ASTN2: variants seen among roughly 807,000 people sequenced by gnomAD.
The protein encoded by ASTN2 is astrotactin-2.
Under a neutral mutation model 139.8 loss-of-function variants are expected in ASTN2, and 54 were observed. The observed-to-expected ratio is 0.39, with a 90% CI of 0.31 to 0.48. The LOEUF (loss-of-function observed/expected upper bound fraction) is 0.48, where lower values mean the gene tolerates loss of function less well. Ranked by LOEUF, ASTN2 falls within the 20% of genes least tolerant of loss-of-function variation. The probability of loss-of-function intolerance (pLI) is 0.95; values close to 1 mark genes in which losing one functional copy is unlikely to be tolerated. For missense variants in ASTN2, 1,565 were observed against 1,725.1 expected (o/e 0.91, Z 1.64); for synonymous variants, 756 against 719.5 (o/e 1.05, Z -0.81).
intron 10 of ASTN2, among the ~76,000 whole-genome samples, chr9:116,871,762 C>T (rs1162204582): frequency 6.6e-6 from 1 of 151,988 alleles, no homozygotes; most frequent in Non-Finnish European, 1.5e-5. Context: ...ATGACTAATG[C>T]TGCTATGAAC....
intron 3 of ASTN2, among the ~76,000 whole-genome samples, chr9:117,147,950 G>T (rs1411794407): frequency 6.6e-6 from 1 of 152,158 alleles, no homozygotes; most frequent in Non-Finnish European, 1.5e-5. Flanking sequence ...GGCTCTGATA[G>T]CTTAGCTCCT....
intron 1 of ASTN2, among the ~76,000 whole-genome samples, chr9:117,389,953 C>T (rs1830499982): frequency 6.6e-6 from 1 of 151,958 alleles, no homozygotes; most frequent in South Asian, 2.1e-4. Flanking sequence ...GGGAGGCCCT[C>T]TGGGGTCTCT....
At chr9:116,526,339 C>A (rs1473042210) in intron 19 of ASTN2, among the ~76,000 whole-genome samples, 1 of 152,128 alleles carries the variant, frequency 6.6e-6, no homozygotes, top group Non-Finnish European at 1.5e-5. Context: ...AGACTGGGCA[C>A]GGTGGCTCAT....
At chr9:116,483,407 G>C (rs1339250954) in intron 20 of ASTN2, among the ~76,000 whole-genome samples, 1 of 152,118 alleles carries the variant, frequency 6.6e-6, no homozygotes. Context: ...CATGGATGGA[G>C]GGGCTACAGA....
At chr9:117,332,228 A>G (rs1828732774) in intron 1 of ASTN2, among the ~76,000 whole-genome samples, 1 of 152,232 alleles carries the variant, frequency 6.6e-6, no homozygotes, top group South Asian at 2.1e-4. Context: ...GGCTTTAGCT[A>G]AATGTGTTGC....
rs150310885 is a variant in ASTN2 at position 117,336,021 on chromosome 9, G to A, written c.443-44508C>T. On this transcript the variant is annotated intron_variant, in intron 1 of 22. Transcript: ENST00000313400. The stretch of plus-strand genomic sequence containing the variant: ...GCTTCGTTGAACAAATTGGCAGTGA[G>A]TGTAGGCAGCTTAAGGAGACAGGAG... 2.9e-3 allele frequency among the ~76,000 whole-genome samples: 429 copies of A among 148,040 alleles called. 5 individuals carry two copies. The highest frequency in any genetic ancestry group is 4.4e-3 in the South Asian group (20 of 4,518).
chr9:117,002,089 C>T (rs1837208550), intron 7 of ASTN2, among the ~76,000 whole-genome samples: 1 of 152,144 alleles, frequency 6.6e-6, no homozygotes, highest in African/African-American at 2.4e-5. Flanking sequence ...GTAGACAGTC[C>T]TATCCATTTA....
At chr9:117,308,128 G>A (rs1220208038) in intron 1 of ASTN2, among the ~76,000 whole-genome samples, 1 of 152,154 alleles carries the variant, frequency 6.6e-6, no homozygotes, top group African/African-American at 2.4e-5. Flanking sequence ...GCGGCCCAGT[G>A]ACCTTCCTCT....
chr9:117,162,642 T>C (rs931076424), intron 3 of ASTN2, among the ~76,000 whole-genome samples: 2 of 152,126 alleles, frequency 1.3e-5, no homozygotes, highest in Non-Finnish European at 2.9e-5. Context: ...CCTCGGTTTC[T>C]GTATCTGTAA....
At chr9:116,848,342 G>A (rs900850890) in intron 11 of ASTN2, among the ~76,000 whole-genome samples, 9 of 152,140 alleles carry the variant, frequency 5.9e-5, no homozygotes, top group Non-Finnish European at 1.0e-4. Flanking sequence ...AGTGCAGGGA[G>A]GTATTTGGGG....
chr9:117,140,696 G>A (rs1173809547), intron 4 of ASTN2, among the ~76,000 whole-genome samples: 2 of 151,848 alleles, frequency 1.3e-5, no homozygotes, highest in Admixed American at 1.3e-4. Flanking sequence ...AGAAGGAGAA[G>A]AAGCAGCAGC....
intron 13 of ASTN2, among the ~76,000 whole-genome samples, chr9:116,753,891 C>T (rs756156890): frequency 5.9e-5 from 9 of 151,926 alleles, no homozygotes; most frequent in Non-Finnish European, 8.8e-5. Flanking sequence ...CTGCACCCAT[C>T]AACCTCAACA....
intron 20 of ASTN2, among the ~76,000 whole-genome samples, chr9:116,461,217 A>G (rs1166796985): frequency 2.6e-5 from 4 of 151,042 alleles, no homozygotes; most frequent in Non-Finnish European, 5.9e-5. Context: ...AATATATTAT[A>G]TAATTTACTT....
intron 10 of ASTN2, among the ~76,000 whole-genome samples, chr9:116,927,684 C>G (rs935380306): frequency 6.6e-6 from 1 of 152,174 alleles, no homozygotes; most frequent in Non-Finnish European, 1.5e-5. Context: ...GCTCCAAACT[C>G]TCATGTGCCT....
At chr9:117,150,381 G>T (rs1215425234) in intron 3 of ASTN2, among the ~76,000 whole-genome samples, 4 of 152,196 alleles carry the variant, frequency 2.6e-5, no homozygotes, top group African/African-American at 9.6e-5. Flanking sequence ...AAAGGTAATG[G>T]ACATCCCAAA....
intron 1 of ASTN2, among the ~76,000 whole-genome samples, chr9:117,304,970 C>T (rs1412222800): frequency 1.3e-5 from 2 of 152,286 alleles, no homozygotes; most frequent in Non-Finnish European, 2.9e-5. Flanking sequence ...AATGTCCCTT[C>T]CCACCAGAAC....
At chr9:116,596,588 T>C (rs1854589896) in intron 19 of ASTN2, among the ~76,000 whole-genome samples, 1 of 152,208 alleles carries the variant, frequency 6.6e-6, no homozygotes, top group Non-Finnish European at 1.5e-5. Flanking sequence ...ATTAAATGTA[T>C]GCAATTTTTA....
At chr9:117,301,594 AG>A (rs906718603) in intron 1 of ASTN2, among the ~76,000 whole-genome samples, 1 of 152,196 alleles carries the variant, frequency 6.6e-6, no homozygotes, top group African/African-American at 2.4e-5. Context: ...AGGCTGAGAA[AG>A]GAGCTTGCAT....
At chr9:116,688,457 A>G (rs1860387106) in intron 16 of ASTN2, among the ~76,000 whole-genome samples, 1 of 152,150 alleles carries the variant, frequency 6.6e-6, no homozygotes, top group South Asian at 2.1e-4. Flanking sequence ...AAACTGGATG[A>G]GTATATGAAG....
Sources: gnomAD v4.1 joint callset for allele counts (sites outside exome capture counted in the v4.1 genomes callset) on GRCh38, gnomAD v4.1.1 for gene constraint, MANE v1.5 for transcripts, NCBI Gene and HGNC (gene_info 2026-07-23, HGNC 2026-07-21) for gene names.